The following MAGI2 variants were observed in gnomAD, a reference collection of about 807,000 sequenced individuals.
The protein encoded by MAGI2 is membrane associated guanylate kinase, WW and PDZ domain containing 2.
A neutral mutation model predicts 133.3 loss-of-function variants in MAGI2; 35 were observed. The ratio of observed to expected loss-of-function variants is 0.26; its 90% CI spans 0.20 to 0.35. The LOEUF is 0.35. Among genes scored for constraint, MAGI2 ranks in the 10% least tolerant of loss-of-function variants. The pLI is 1.00. For missense variants in MAGI2, 1,636 were observed against 1,863.4 expected (o/e 0.88, Z 2.25); for synonymous variants, 729 against 710.6 (o/e 1.03, Z -0.41).
intron 20 of MAGI2, among the ~76,000 whole-genome samples, chr7:78,106,133 G>A (rs1301380072): frequency 6.6e-6 from 1 of 151,958 alleles, no homozygotes; most frequent in Non-Finnish European, 1.5e-5. Context: ...TCTGTACCTG[G>A]CTTATTTCAT....
intron 9 of MAGI2, among the ~76,000 whole-genome samples, chr7:78,311,773 CTTTT>C (rs11332610): frequency 1.4e-5 from 2 of 138,984 alleles, no homozygotes. Flanking sequence ...TTCACAAATT[CTTTT>C]TTTTTTTTTT....
intron 21 of MAGI2, among the ~76,000 whole-genome samples, chr7:78,066,950 A>G (rs1563075455): frequency 1.3e-5 from 2 of 152,218 alleles, no homozygotes; most frequent in African/African-American, 2.4e-5. Context: ...ATACGGCTTC[A>G]ATGTGCAGAA....
chr7:78,254,319 C>T (rs1291257685), intron 10 of MAGI2: 1 of 152,186 alleles, frequency 6.6e-6, no homozygotes, highest in African/African-American at 2.4e-5. Context: ...ATGAATCATA[C>T]AGTGGATACT....
intron 1 of MAGI2, among the ~76,000 whole-genome samples, chr7:79,289,548 A>C (rs927608615): frequency 6.6e-6 from 1 of 152,038 alleles, no homozygotes; most frequent in South Asian, 2.1e-4. Context: ...GACTAGTAAT[A>C]TAACAAATAA....
At chr7:79,035,340 G>C (rs1461275869) in intron 1 of MAGI2, among the ~76,000 whole-genome samples, 1 of 152,074 alleles carries the variant, frequency 6.6e-6, no homozygotes, top group African/African-American at 2.4e-5. Flanking sequence ...GAAATGAAAA[G>C]CAGTGTAAAT....
intron 6 of MAGI2, among the ~76,000 whole-genome samples, chr7:78,385,229 C>T (rs1028064109): frequency 6.6e-6 from 1 of 152,058 alleles, no homozygotes; most frequent in African/African-American, 2.4e-5. Context: ...TGATTGTCAA[C>T]GTGATTTGGG....
chr7:79,262,885 G>C (rs1284298982), intron 1 of MAGI2, among the ~76,000 whole-genome samples: 1 of 152,200 alleles, frequency 6.6e-6, no homozygotes, highest in Non-Finnish European at 1.5e-5. Context: ...TATAAGGTTT[G>C]AGAGGTGCCT....
chr7:79,193,979 G>A (rs118076177), intron 1 of MAGI2, among the ~76,000 whole-genome samples: 4,401 of 151,412 alleles, frequency 0.029, 109 homozygotes, highest in Middle Eastern at 0.044. Flanking sequence ...TGTTTGTTTT[G>A]TTTGCTTGTT....
chr7:79,337,201 A>G (rs866189843), intron 1 of MAGI2, among the ~76,000 whole-genome samples: 4 of 152,176 alleles, frequency 2.6e-5, no homozygotes, highest in African/African-American at 9.6e-5. Flanking sequence ...AGAAACACCA[A>G]AAAGTCTATC....
intron 6 of MAGI2, among the ~76,000 whole-genome samples, chr7:78,478,089 A>T (rs1020067304): frequency 6.6e-6 from 1 of 151,408 alleles, no homozygotes; most frequent in South Asian, 2.1e-4. Context: ...CTATCCCCCA[A>T]CAGGCCCCGG....
At chr7:78,356,135 A>AGGGT (rs1384598685) in intron 7 of MAGI2, among the ~76,000 whole-genome samples, 6 of 152,296 alleles carry the variant, frequency 3.9e-5, no homozygotes, top group Non-Finnish European at 7.4e-5. Context: ...CTGGAAGTTG[A>AGGGT]GGGTGGGTCA....
At chr7:78,095,233 A>G (rs1400264668) in intron 20 of MAGI2, among the ~76,000 whole-genome samples, 1 of 152,190 alleles carries the variant, frequency 6.6e-6, no homozygotes, top group African/African-American at 2.4e-5. Context: ...GATTTGGGTT[A>G]CTTTTTTGGA....
intron 1 of MAGI2, among the ~76,000 whole-genome samples, chr7:79,255,890 GT>G: frequency 6.6e-6 from 1 of 152,290 alleles, no homozygotes; most frequent in Middle Eastern, 3.4e-3. Flanking sequence ...GGATTTGGAT[GT>G]TTTCCAGTTG....
In MAGI2 at chr7:79,075,460, G is replaced by A. The variant is rs1184475611; in HGVS notation, c.302-68254C>T. Among the ~76,000 whole-genome samples, 5 of 152,058 alleles carry A rather than the reference G, an allele frequency of 3.3e-5. No homozygotes were observed. The East Asian group carries it at 9.6e-4, about 29-fold the overall frequency. ...TTTAGAAAAACAAAATAATAGTAGT[G>A]AATATAATTATATCATTAGGCTGGG... is the stretch of plus-strand genomic sequence containing the variant. On this transcript the variant is annotated intron_variant, in intron 1 of 21. Transcript: ENST00000354212.
At chr7:78,501,859 G>A (rs371635249) in intron 4 of MAGI2, 72 bp from the exon 5 acceptor site, 3 of 1,103,340 alleles carry the variant, frequency 2.7e-6, no homozygotes, top group South Asian at 2.6e-5. Context: ...GGAGAATGCT[G>A]TACCAGGGAA....
At chr7:78,860,989 C>G (rs956184151) in intron 2 of MAGI2, among the ~76,000 whole-genome samples, 1 of 152,194 alleles carries the variant, frequency 6.6e-6, no homozygotes, top group Non-Finnish European at 1.5e-5. Flanking sequence ...AGTTCGATCT[C>G]AGACTGCTGT....
chr7:79,183,484 T>C (rs1271176317), intron 1 of MAGI2, among the ~76,000 whole-genome samples: 1 of 151,914 alleles, frequency 6.6e-6, no homozygotes, highest in Non-Finnish European at 1.5e-5. Context: ...TTCTTATTAC[T>C]GACTTTAGAG....
chr7:79,235,465 C>T (rs1831828732), intron 1 of MAGI2, among the ~76,000 whole-genome samples: 1 of 152,220 alleles, frequency 6.6e-6, no homozygotes, highest in South Asian at 2.1e-4. Flanking sequence ...GCATAGGACC[C>T]TCCAAGCCAG....
At chr7:79,075,144 T>G in intron 1 of MAGI2, among the ~76,000 whole-genome samples, 1 of 152,178 alleles carries the variant, frequency 6.6e-6, no homozygotes. Context: ...CTTCTCTCTT[T>G]TTATTCAGTA....
Sources: allele counts gnomAD v4.1 joint callset (sites outside exome capture counted in the v4.1 genomes callset), GRCh38; gene constraint gnomAD v4.1.1; transcripts MANE v1.5; gene names NCBI Gene and HGNC (gene_info 2026-07-23, HGNC 2026-07-21).